FRMD6: variants seen among roughly 807,000 people sequenced by gnomAD.
The protein encoded by FRMD6 is FERM domain-containing protein 6.
In FRMD6, 37 loss-of-function variants were observed where a neutral mutation model predicts 73.2. The observed-to-expected ratio is 0.51, with a 90% CI of 0.39 to 0.66. The LOEUF (loss-of-function observed/expected upper bound fraction) is 0.66. FRMD6 is among the 30% of genes least tolerant of loss of function. The pLI is 0.00. For missense variants in FRMD6, 714 were observed against 780.5 expected (o/e 0.91, Z 1.02); for synonymous variants, 273 against 282.2 (o/e 0.97, Z 0.33).
chr14:51,504,097 G>A (rs768401637), intron 1 of FRMD6, among the ~76,000 whole-genome samples: 1 of 152,078 alleles, frequency 6.6e-6, no homozygotes, highest in Non-Finnish European at 1.5e-5. Context: ...ATTTCTGATT[G>A]TGTTTATTTT....
At chr14:51,672,208 G>A (rs1269260469) in intron 1 of FRMD6, among the ~76,000 whole-genome samples, 1 of 152,204 alleles carries the variant, frequency 6.6e-6, no homozygotes, top group Non-Finnish European at 1.5e-5. Context: ...AAGGCATTTT[G>A]CTTGCTGACT....
At chr14:51,459,623 T>C in the FRMD6 span, among the ~76,000 whole-genome samples, 125 of 151,990 alleles carry the variant, frequency 8.2e-4, 1 homozygote, top group East Asian at 9.1e-3. Flanking sequence ...GTCAGGAGAT[T>C]GAGACCATCC....
the FRMD6 span, among the ~76,000 whole-genome samples, chr14:51,461,436 C>T: frequency 6.6e-6 from 1 of 152,174 alleles, no homozygotes; most frequent in Non-Finnish European, 1.5e-5. Context: ...AAGGCTACTT[C>T]CTTTGTGTTC....
At chr14:51,473,267 G>C in the FRMD6 span, among the ~76,000 whole-genome samples, 1 of 152,168 alleles carries the variant, frequency 6.6e-6, no homozygotes, top group East Asian at 1.9e-4. Context: ...GTTTTGTGTT[G>C]GTTCTAATTC....
intron 1 of FRMD6, among the ~76,000 whole-genome samples, chr14:51,524,175 C>A (rs927055505): frequency 2.6e-5 from 4 of 152,162 alleles, no homozygotes; most frequent in African/African-American, 9.7e-5. Flanking sequence ...TTTCTAAGTT[C>A]AAATCTTGCC....
At chr14:51,512,691 C>A (rs919637692) in intron 1 of FRMD6, among the ~76,000 whole-genome samples, 1 of 151,936 alleles carries the variant, frequency 6.6e-6, no homozygotes, top group East Asian at 1.9e-4. Context: ...GTTCTAGCAG[C>A]TGTGGAGGAG....
intron 2 of FRMD6, among the ~76,000 whole-genome samples, chr14:51,590,304 T>C (rs1889319496): frequency 6.6e-6 from 1 of 152,230 alleles, no homozygotes; most frequent in Non-Finnish European, 1.5e-5. Context: ...CAAGTTCTAT[T>C]TCTCAGAGGC....
At chr14:51,654,306 G>GGC (rs66993478) in intron 1 of FRMD6, among the ~76,000 whole-genome samples, 315 of 20,870 alleles carry the variant, frequency 0.015, 7 homozygotes, top group African/African-American at 0.037. Flanking sequence ...TAGCTGAATT[G>GGC]GGGGGGGGGT....
chr14:51,646,774 T>TA, intron 2 of FRMD6, among the ~76,000 whole-genome samples: 1 of 151,672 alleles, frequency 6.6e-6, no homozygotes, highest in East Asian at 1.9e-4. Flanking sequence ...GTCTCATGCA[T>TA]AAGGCAGCAA....
At chr14:51,401,428 A>G in the FRMD6 span, among the ~76,000 whole-genome samples, 1 of 152,212 alleles carries the variant, frequency 6.6e-6, no homozygotes, top group Non-Finnish European at 1.5e-5. Flanking sequence ...GGACACAAAC[A>G]GTTTCCATGG....
chr14:51,504,358 G>A (rs559178903), intron 1 of FRMD6, among the ~76,000 whole-genome samples: 6 of 152,342 alleles, frequency 3.9e-5, no homozygotes, highest in Non-Finnish European at 8.8e-5. Context: ...GCACCTGTAG[G>A]AGGTGGCTAG....
the FRMD6 span, among the ~76,000 whole-genome samples, chr14:51,427,404 C>T: frequency 3.2e-3 from 486 of 152,284 alleles, 4 homozygotes; most frequent in Non-Finnish European, 3.9e-3. Context: ...ATAGCTCAGG[C>T]ATTTGAGGAA....
intron 2 of FRMD6, among the ~76,000 whole-genome samples, chr14:51,622,363 G>C (rs1890957864): frequency 6.6e-6 from 1 of 152,116 alleles, no homozygotes; most frequent in East Asian, 1.9e-4. Context: ...GTGCAAATCA[G>C]GCTATTTCTG....
intron 2 of FRMD6, chr14:51,643,779 G>A (rs566194815): frequency 2.0e-4 from 30 of 152,310 alleles, no homozygotes; most frequent in African/African-American, 6.7e-4. Context: ...GGTGGCGGAG[G>A]CTGAGCAAAT....
At chr14:51,452,730 T>G in the FRMD6 span, among the ~76,000 whole-genome samples, 2 of 152,138 alleles carry the variant, frequency 1.3e-5, no homozygotes, top group Non-Finnish European at 2.9e-5. Context: ...AAGGAGCATA[T>G]CTAGAAAGAA....
chr14:51,564,322 T>C (rs550627764), intron 1 of FRMD6, among the ~76,000 whole-genome samples: 1 of 152,374 alleles, frequency 6.6e-6, no homozygotes, highest in South Asian at 2.1e-4. Context: ...GATTTAAGTT[T>C]GCCTCAGATC....
chr14:51,686,640 T>C (rs1223534645), intron 1 of FRMD6, among the ~76,000 whole-genome samples: 2 of 152,122 alleles, frequency 1.3e-5, no homozygotes, highest in Non-Finnish European at 2.9e-5. Flanking sequence ...GAAAATATGT[T>C]ACTACCACAT....
chr14:51,406,630 G>A, the FRMD6 span, among the ~76,000 whole-genome samples: 2 of 152,042 alleles, frequency 1.3e-5, no homozygotes, highest in Non-Finnish European at 2.9e-5. Flanking sequence ...CTTGGCTGTT[G>A]TTGGTATATA....
At chr14:51,459,599 G>A in the FRMD6 span, among the ~76,000 whole-genome samples, 1 of 151,948 alleles carries the variant, frequency 6.6e-6, no homozygotes, top group Admixed American at 6.6e-5. Context: ...AGGCCGAGGT[G>A]GGCGGATCAC....
Sources: allele counts gnomAD v4.1 joint callset (sites outside exome capture counted in the v4.1 genomes callset), GRCh38; gene constraint gnomAD v4.1.1; transcripts MANE v1.5; gene names NCBI Gene and HGNC (gene_info 2026-07-23, HGNC 2026-07-21).